ANTXRL: variants seen among roughly 807,000 people sequenced by gnomAD.
ANTXRL encodes the protein ANTXR like.
A neutral mutation model predicts 75.4 loss-of-function variants in ANTXRL; 63 were observed. The ratio of observed to expected loss-of-function variants is 0.84; its 90% CI spans 0.68 to 1.03. The LOEUF (loss-of-function observed/expected upper bound fraction) is 1.03, where lower values mean the gene tolerates loss of function less well. Among genes scored for constraint, ANTXRL ranks in the 50% least tolerant of loss-of-function variants. ANTXRL has a pLI of 0.00. For synonymous variants in ANTXRL, 335 were observed against 291.3 expected, an observed-to-expected ratio of 1.15 and a Z score of -1.53; for missense variants, 797 against 789.4, an observed-to-expected ratio of 1.01 and a Z score of -0.12.
At chr10:46,304,192 A>C (rs1168093867) in intron 10 of ANTXRL, among the ~76,000 whole-genome samples, 2 of 152,174 alleles carry the variant, frequency 1.3e-5, no homozygotes, top group African/African-American at 4.8e-5. Flanking sequence ...TATCGTGCCA[A>C]GTGCCTTATG....
At chr10:46,325,277 A>G (rs1334083464) in intron 16 of ANTXRL, among the ~76,000 whole-genome samples, 3 of 152,158 alleles carry the variant, frequency 2.0e-5, no homozygotes, top group African/African-American at 7.2e-5. Context: ...GACAAAAGTC[A>G]ACAATCTCCT....
Position 46,311,582 on chromosome 10 carries a change from C to A in ANTXRL, c.1246C>A (p.Pro416Thr), listed in dbSNP as rs545720431. The A allele has an allele frequency of 6.7e-7, 1 of 1,494,558 alleles. No homozygotes were observed. The highest frequency in any genetic ancestry group is 1.2e-5 in the South Asian group (1 of 83,228). The allele number at this position is 1,494,558 out of a possible 1,614,324, so 92.6% of individuals were successfully genotyped here. Reference protein sequence around the residue: ...PPPPPPLPPPPPAPVNTCPTV... With the variant: ...PPPPPPLPPPTPAPVNTCPTV... Reference sequence around the variant, plus strand: ...TCCACCACCTCCACTCCCGCCTCCGCCCCCAGCTCCTGTAAACACCTGCCC... The same window carrying A: ...TCCACCACCTCCACTCCCGCCTCCGACCCCAGCTCCTGTAAACACCTGCCC... The change falls in exon 15 of 17, where the codon CCC becomes ACC. Residue 416 changes from proline (P) to threonine (T), a missense_variant. Physicochemically the swap from Pro to Thr is conservative, Grantham distance 38. This residue lies in a region of ANTXRL where 479 missense variants were observed against 422.0 expected (regional missense o/e 1.14). Transcript: ENST00000620264.
chr10:46,304,785 C>A (rs1837971559), intron 10 of ANTXRL, among the ~76,000 whole-genome samples: 1 of 152,112 alleles, frequency 6.6e-6, no homozygotes, highest in Non-Finnish European at 1.5e-5. Flanking sequence ...GAAAGCAGAC[C>A]CAGGCGATCT....
intron 9 of ANTXRL, among the ~76,000 whole-genome samples, chr10:46,299,529 TG>T (rs1461393878): frequency 6.6e-6 from 1 of 152,058 alleles, no homozygotes; most frequent in Non-Finnish European, 1.5e-5. Flanking sequence ...GAGCCCTGGG[TG>T]TCCTCCCTTC....
chr10:46,329,895 T>C lies in ANTXRL; in HGVS notation c.1707T>C (p.Thr569=), dbSNP rs1839412701. 5 of 1,535,702 alleles carry C rather than the reference T, an allele frequency of 3.3e-6. No individual in the cohort carries two copies. In the East Asian group the frequency reaches 7.3e-5, roughly 23 times the overall value. The change falls in exon 17 of 17, where the codon ACT becomes ACC. Residue 569 remains threonine, a synonymous_variant. Transcript: ENST00000620264. ...CGGAGTACTTTTCCCAAGCACAGACTCTGTGCAACCCAAAGAGCTGCCTTC... is the reference window on the plus strand; with the variant it reads ...CGGAGTACTTTTCCCAAGCACAGACCCTGTGCAACCCAAAGAGCTGCCTTC... ...HSPEYFSQAQ[T]LCNPKSCLQP...
chr10:46,312,983 T>TA (rs1271494120), intron 15 of ANTXRL, among the ~76,000 whole-genome samples: 1 of 152,198 alleles, frequency 6.6e-6, no homozygotes, highest in African/African-American at 2.4e-5. Context: ...TTGGACTTTT[T>TA]ATCTGAATCT....
chr10:46,316,418 A>G (rs1838727706), intron 16 of ANTXRL, among the ~76,000 whole-genome samples: 1 of 152,152 alleles, frequency 6.6e-6, no homozygotes, highest in Non-Finnish European at 1.5e-5. Flanking sequence ...ACCCAGGGTC[A>G]CACAGCCAGG....
At chr10:46,299,072 G>A (rs1837560864) in intron 9 of ANTXRL, among the ~76,000 whole-genome samples, 1 of 152,076 alleles carries the variant, frequency 6.6e-6, no homozygotes, top group Non-Finnish European at 1.5e-5. Context: ...GCATGGAGTA[G>A]CAGCTAACCC....
rs782006614 is a variant in ANTXRL, at chr10:46,329,768, G to C, written c.1580G>C (p.Arg527Pro). 27 of 1,530,616 alleles carry C rather than the reference G, an allele frequency of 1.8e-5. No individual in the cohort carries two copies. The South Asian group carries it at 2.3e-4, about 13-fold the overall frequency. 94.8% of individuals were successfully genotyped at this position (1,530,616 alleles called of 1,614,324 possible). Residue 527 changes from arginine to proline, a missense_variant, in exon 17 of 17, where the codon CGC (arginine) becomes CCC (proline). By Grantham distance (103) the Arg-to-Pro change is moderately radical. Transcript: ENST00000620264. The stretch of plus-strand genomic sequence containing the variant: ...GAGTGCCTCGCCCTCAAACAGGCTC[G>C]CTGCAGCCCAAACATCTGCCTGAGA... ...SRECLALKQA[R>P]CSPNICLRHS...
At chr10:46,328,362 C>T (rs1432040836) in intron 16 of ANTXRL, among the ~76,000 whole-genome samples, 2 of 152,066 alleles carry the variant, frequency 1.3e-5, no homozygotes, top group African/African-American at 4.8e-5. Flanking sequence ...AAGAGAACAG[C>T]CTTGGGGAAA....
chr10:46,297,200 A>G (rs1588804164), intron 5 of ANTXRL, 52 bp from the exon 6 acceptor site: 1 of 1,447,146 alleles, frequency 6.9e-7, no homozygotes, highest in Non-Finnish European at 9.4e-7. Context: ...GAGCTTCTGG[A>G]GGTCACTCCT....
rs1350319013 is a variant in ANTXRL, at chr10:46,309,115, C to T, written c.1047C>T (p.Gly349=). The change falls in exon 13 of 17, where the codon GGC becomes GGT. Residue 349 remains glycine (G), a splice_region_variant and synonymous_variant. Transcript: ENST00000620264. ...SNVSITSTTC[G]IFRNWLYFVP... ...ATGGTGCTCTCTTTCTCCACCAGGGCATTTTCCGCAACTGGCTCTATTTTG... is the reference window on the plus strand; with the variant it reads ...ATGGTGCTCTCTTTCTCCACCAGGGTATTTTCCGCAACTGGCTCTATTTTG... 2 of 1,535,656 alleles carry T rather than the reference C, an allele frequency of 1.3e-6. No homozygotes were observed. The highest frequency in any genetic ancestry group is 1.7e-6 in the Non-Finnish European group (2 of 1,146,694).
chr10:46,296,319 C>T, intron 5 of ANTXRL, 67 bp downstream of exon 5: 1 of 1,507,458 alleles, frequency 6.6e-7, no homozygotes, highest in Non-Finnish European at 8.9e-7. Flanking sequence ...CCTCAGAGAG[C>T]TCTGTGTGCA....
intron 9 of ANTXRL, among the ~76,000 whole-genome samples, chr10:46,301,132 A>G (rs542904582): frequency 9.9e-4 from 151 of 152,346 alleles, no homozygotes; most frequent in African/African-American, 3.4e-3. Context: ...TAGAGTGGCC[A>G]AGTTGGGCTG....
intron 1 of ANTXRL, among the ~76,000 whole-genome samples, chr10:46,290,890 T>C (rs1434969413): frequency 3.3e-5 from 5 of 152,180 alleles, no homozygotes; most frequent in Admixed American, 3.3e-4. Flanking sequence ...CTGCAGGTTG[T>C]CTTTTCACTC....
At chr10:46,312,837 C>T (rs1185461480) in intron 15 of ANTXRL, among the ~76,000 whole-genome samples, 2 of 150,878 alleles carry the variant, frequency 1.3e-5, no homozygotes, top group Non-Finnish European at 3.0e-5. Context: ...AGGGCATGGT[C>T]CTCTCACCTG....
chr10:46,287,288 C>A lies in ANTXRL; in HGVS notation c.26C>A (p.Pro9His), dbSNP rs1554955449. 1 of 1,535,848 alleles carries A rather than the reference C, an allele frequency of 6.5e-7. No individual in the cohort carries two copies. Among genetic ancestry groups the A allele is most frequent in the South Asian group, 1.2e-5 (1 of 84,046 alleles). The change falls in exon 1 of 17, where the codon CCC (proline) becomes CAC (histidine). Residue 9 changes from proline (P) to histidine (H), a missense_variant. Transcript: ENST00000620264. Reference protein sequence around the residue: MGSHESLGPYFLVFLLLLL... With the variant: MGSHESLGHYFLVFLLLLL... Reference sequence around the variant, plus strand: ...ATGGGGAGCCATGAGTCCCTGGGGCCCTACTTCCTGGTCTTCCTGCTGCTG... The same window carrying A: ...ATGGGGAGCCATGAGTCCCTGGGGCACTACTTCCTGGTCTTCCTGCTGCTG...
chr10:46,296,735 C>T (rs35301555), intron 5 of ANTXRL, among the ~76,000 whole-genome samples: 32,442 of 151,808 alleles, frequency 0.21, 3,158 homozygotes, highest in East Asian at 0.36. Flanking sequence ...GTTGAGGTGG[C>T]TGTGGGGTCC....
rs1839431621 is a variant in ANTXRL at position 46,330,128 on chromosome 10, G to T, written c.*44G>T. The T allele has an allele frequency of 1.1e-5, 16 of 1,451,262 alleles. No individual in the cohort carries two copies. Among genetic ancestry groups the T allele is most frequent in the Non-Finnish European group, 1.4e-5 (16 of 1,104,028 alleles). 89.9% of individuals were successfully genotyped at this position (1,451,262 alleles called of 1,614,324 possible). A position where few individuals can be genotyped will look rare whatever the true frequency, so the allele number is the denominator to read the frequency against. ...TTAACAGGCTTTTGTTGCTGAACTG[G>T]ACATATACATTGAGTCTTTTCTTGC... On this transcript the variant is annotated 3_prime_UTR_variant, in exon 17 of 17. Transcript: ENST00000620264.
Sources: gnomAD v4.1 joint callset for allele counts (sites outside exome capture counted in the v4.1 genomes callset) on GRCh38, gnomAD v4.1.1 for gene constraint, gnomAD v4.1.1 regional missense constraint, MANE v1.5 for transcripts, NCBI Gene and HGNC (gene_info 2026-07-23, HGNC 2026-07-21) for gene names.